Variants in HACD4 observed in about 807,000 individuals in gnomAD.
The protein encoded by HACD4 is 3-hydroxyacyl-CoA dehydratase 4.
HACD4 carries 35 observed loss-of-function variants against 33.3 expected under a neutral mutation model. The observed-to-expected ratio is 1.05, with a 90% CI of 0.80 to 1.39. The LOEUF is 1.39. Among genes scored for constraint, HACD4 ranks in the 40% most tolerant of loss-of-function variants. HACD4 has a pLI of 0.00. For missense variants in HACD4, 323 were observed against 276.5 expected (o/e 1.17, Z -1.19); for synonymous variants, 118 against 98.0 (o/e 1.20, Z -1.21).
chr9:21,027,142 A>T (rs1360226682), intron 2 of HACD4, among the ~76,000 whole-genome samples: 1 of 152,236 alleles, frequency 6.6e-6, no homozygotes, highest in Non-Finnish European at 1.5e-5. Flanking sequence ...AGATGAGAAA[A>T]AATATTATTT....
At chr9:21,025,209 A>G (rs1374464136) in intron 3 of HACD4, among the ~76,000 whole-genome samples, 1 of 152,172 alleles carries the variant, frequency 6.6e-6, no homozygotes, top group African/African-American at 2.4e-5. Context: ...AAATGTCTTT[A>G]TCCTAATGGA....
At position 21,005,999 on chromosome 9, in the gene HACD4, A is replaced by C. The variant is rs752589305; in HGVS notation, c.*1038T>G. 1 of 152,204 alleles carries C rather than the reference A, an allele frequency of 6.6e-6. No individual in the cohort carries two copies. The highest frequency in any genetic ancestry group is 2.4e-5 in the African/African-American group (1 of 41,456). 9.4% of individuals were successfully genotyped at this position (152,204 alleles called of 1,614,324 possible). ...TACCTCAGGATGAATTCTACCTTGA[A>C]TCTCACCCACATCTGATTTAGACGA... On this transcript the variant is annotated 3_prime_UTR_variant, in exon 7 of 7. Coordinates refer to ENST00000495827, the MANE Select transcript of HACD4 (RefSeq NM_001010915.5). This position sits in a 1 kb window ranked among gnomAD's most constrained non-coding sequence, Gnocchi z 4.0.
intron 3 of HACD4, among the ~76,000 whole-genome samples, chr9:21,023,176 C>A (rs1817970038): frequency 1.5e-5 from 2 of 133,344 alleles, no homozygotes; most frequent in South Asian, 4.5e-4. Context: ...AATGAGAACA[C>A]TTGGACACAG....
intron 5 of HACD4, among the ~76,000 whole-genome samples, chr9:21,008,941 A>G (rs918520186): frequency 6.6e-6 from 1 of 152,126 alleles, no homozygotes; most frequent in Non-Finnish European, 1.5e-5. Context: ...AGAAAAGGCA[A>G]GAGTTCACAA....
Position 21,000,150 on chromosome 9 carries a change from A to C in HACD4, c.*6887T>G, listed in dbSNP as rs1461554260. On this transcript the variant is annotated 3_prime_UTR_variant, in exon 7 of 7. Coordinates refer to ENST00000495827, the MANE Select transcript of HACD4 (RefSeq NM_001010915.5). Reference sequence around the variant, plus strand: ...GACACCTACATGTATGTGATGAATTAAGGCATACTTTTACTAATTGACTTT... The same window carrying C: ...GACACCTACATGTATGTGATGAATTCAGGCATACTTTTACTAATTGACTTT... The C allele has an allele frequency of 1.3e-5, 2 of 152,214 alleles. No individual in the cohort carries two copies. Among genetic ancestry groups the C allele is most frequent in the African/African-American group, 4.8e-5 (2 of 41,468 alleles). 9.4% of individuals were successfully genotyped at this position (152,214 alleles called of 1,614,324 possible). A position where few individuals can be genotyped will look rare whatever the true frequency, so the allele number is the denominator to read the frequency against.
chr9:21,011,303 A>C (rs1842425434), intron 5 of HACD4, among the ~76,000 whole-genome samples: 2 of 152,202 alleles, frequency 1.3e-5, no homozygotes, highest in Non-Finnish European at 2.9e-5. Context: ...TTTGGTGAAT[A>C]AGCAGACTCT....
At chr9:21,030,561 G>C (rs1440197577) in intron 1 of HACD4, among the ~76,000 whole-genome samples, 1 of 152,222 alleles carries the variant, frequency 6.6e-6, no homozygotes, top group African/African-American at 2.4e-5. Context: ...CAGAACTTGA[G>C]ACACAGTGTT....
Position 21,004,907 on chromosome 9 carries a change from G to T in HACD4, c.*2130C>A, listed in dbSNP as rs1177613344. 1 of 152,152 alleles carries T rather than the reference G, an allele frequency of 6.6e-6. No homozygotes were observed. Among genetic ancestry groups the T allele is most frequent in the Non-Finnish European group, 1.5e-5 (1 of 68,042 alleles). The allele number at this position is 152,152 out of a possible 1,614,324, so 9.4% of individuals were successfully genotyped here. A position where few individuals can be genotyped will look rare whatever the true frequency, so the allele number is the denominator to read the frequency against. On this transcript the variant is annotated 3_prime_UTR_variant, in exon 7 of 7. Coordinates refer to ENST00000495827, the MANE Select transcript of HACD4 (RefSeq NM_001010915.5). The surrounding 1 kb of genome is among the most constrained non-coding windows in gnomAD (Gnocchi z 4.6). ...TTTTTTGCTAGAAAAAGCCAGTATT[G>T]CCATGAAGGGATTGATAGAGGTGAT...
In HACD4 at chr9:21,010,458, C is replaced by T. The variant is rs751367512; in HGVS notation, c.490+1131G>A. On this transcript the variant is annotated intron_variant, in intron 5 of 6. Coordinates refer to ENST00000495827, the MANE Select transcript of HACD4 (RefSeq NM_001010915.5). Reference sequence around the variant, plus strand: ...GAAACAGACTCAGACATCCTGGTACCCCCCCCCCCCCCAGAGCTTACAGTC... The same window carrying T: ...GAAACAGACTCAGACATCCTGGTACTCCCCCCCCCCCCAGAGCTTACAGTC... Among the ~76,000 whole-genome samples the T allele has an allele frequency of 4.3e-3, 78 of 18,338 alleles. 12 individuals carry two copies. The highest frequency in any genetic ancestry group is 9.7e-3 in the African/African-American group (71 of 7,294). 12.0% of individuals were successfully genotyped at this position (18,338 alleles called of 152,430 possible).
At position 21,008,169 on chromosome 9, in the gene HACD4, T is replaced by C. The variant is rs1439460780; in HGVS notation, c.491-23A>G. On this transcript the variant is annotated intron_variant, in intron 5 of 6. Coordinates refer to ENST00000495827, the MANE Select transcript of HACD4 (RefSeq NM_001010915.5). ...ATGCTGTTAAAAAAGAAAGGCATCA[T>C]AAAGGTATTCCTCCTTAAGTTGTTA... 9 of 1,595,574 alleles carry C rather than the reference T, an allele frequency of 5.6e-6. No homozygotes were observed. The South Asian group carries it at 8.0e-5, about 14-fold the overall frequency.
At chr9:21,020,235 C>G (rs1587834530) in intron 3 of HACD4, among the ~76,000 whole-genome samples, 1 of 68,930 alleles carries the variant, frequency 1.5e-5, no homozygotes, top group African/African-American at 5.8e-5. Context: ...TTTATTATGA[C>G]ACAGAGGGAA....
rs1251030528 is a variant in HACD4 at position 21,013,064 on chromosome 9, CT to C, written c.384-1370del. On this transcript the variant is annotated intron_variant, in intron 4 of 6. Coordinates refer to ENST00000495827, the MANE Select transcript of HACD4 (RefSeq NM_001010915.5). ...CCTGGGTGAGAGAGCAAGACTCCAT[CT>C]CAAAAAAAAAAAAAAAAAGAAAAGC... 6.8e-5 allele frequency among the ~76,000 whole-genome samples: 9 copies of C among 132,206 alleles called. 1 individual carries two copies. In the South Asian group the frequency reaches 2.2e-3, roughly 32 times the overall value. 86.7% of individuals were successfully genotyped at this position (132,206 alleles called of 152,430 possible). A position where few individuals can be genotyped will look rare whatever the true frequency, so the allele number is the denominator to read the frequency against.
At chr9:21,011,941 C>G (rs534865075) in intron 4 of HACD4, among the ~76,000 whole-genome samples, 1 of 152,224 alleles carries the variant, frequency 6.6e-6, no homozygotes, top group South Asian at 2.1e-4. Flanking sequence ...TTACTCCCTC[C>G]TCAGAAAAAT....
chr9:21,027,607 C>A (rs1349550887), intron 2 of HACD4, among the ~76,000 whole-genome samples: 4 of 152,170 alleles, frequency 2.6e-5, no homozygotes, highest in African/African-American at 9.7e-5. Context: ...CACTGCCCTG[C>A]ACTTGCTGTA....
chr9:21,011,528 G>A (rs1456938648), intron 5 of HACD4, 61 bp downstream of exon 5: 7 of 993,660 alleles, frequency 7.0e-6, no homozygotes, highest in Middle Eastern at 2.0e-4. Context: ...AAAATTTAGT[G>A]AACCATTATA....
At chr9:21,008,278 T>C (rs1335152768) in intron 5 of HACD4, 132 bp from the exon 6 acceptor site, 2 of 774,516 alleles carry the variant, frequency 2.6e-6, no homozygotes, top group African/African-American at 3.6e-5. Context: ...TGAATCTTTT[T>C]GCTAAACCTA....
In HACD4 at chr9:21,001,993, A is replaced by C. The variant is rs1032267213; in HGVS notation, c.*5044T>G. Reference sequence around the variant, plus strand: ...TATAAAATCTAGTACTTTTGTAACAATGGTTTGTAACTCCACTTTTTGTTT... The same window carrying C: ...TATAAAATCTAGTACTTTTGTAACACTGGTTTGTAACTCCACTTTTTGTTT... On this transcript the variant is annotated 3_prime_UTR_variant, in exon 7 of 7. Transcript: ENST00000495827. 1 of 152,128 alleles carries C rather than the reference A, an allele frequency of 6.6e-6. No homozygotes were observed. The highest frequency in any genetic ancestry group is 6.5e-5 in the Admixed American group (1 of 15,270). 9.4% of individuals were successfully genotyped at this position (152,128 alleles called of 1,614,324 possible).
At chr9:21,007,820 G>A (rs1842306391) in intron 6 of HACD4, among the ~76,000 whole-genome samples, 1 of 152,108 alleles carries the variant, frequency 6.6e-6, no homozygotes, top group African/African-American at 2.4e-5. Context: ...TTTGTACAGT[G>A]AAAGTGAAAT....
intron 3 of HACD4, among the ~76,000 whole-genome samples, chr9:21,019,899 C>G (rs1426063439): frequency 6.6e-6 from 1 of 151,980 alleles, no homozygotes; most frequent in Admixed American, 6.6e-5. Flanking sequence ...AAATAAGCAC[C>G]TGCTTCATGG....
Sources: allele counts gnomAD v4.1 joint callset (sites outside exome capture counted in the v4.1 genomes callset), GRCh38; gene constraint gnomAD v4.1.1; non-coding constraint Gnocchi (gnomAD v3.1); transcripts MANE v1.5; gene names NCBI Gene and HGNC (gene_info 2026-07-23, HGNC 2026-07-21).